The following PTPRK variants were observed in gnomAD, a reference collection of about 807,000 sequenced individuals.
PTPRK encodes receptor-type tyrosine-protein phosphatase kappa.
A neutral mutation model predicts 178.0 loss-of-function variants in PTPRK; 75 were observed. The observed-to-expected ratio is 0.42, with a 90% CI of 0.35 to 0.51. PTPRK has a LOEUF of 0.51. PTPRK is among the 20% of genes least tolerant of loss of function. The probability of loss-of-function intolerance (pLI) is 0.02; values close to 1 mark genes in which losing one functional copy is unlikely to be tolerated. For missense variants in PTPRK, 1,441 were observed against 1,797.8 expected (o/e 0.80, Z 3.59); for synonymous variants, 637 against 620.6 (o/e 1.03, Z -0.39).
intron 7 of PTPRK, among the ~76,000 whole-genome samples, chr6:128,171,842 T>C (rs1800307493): frequency 6.6e-6 from 1 of 152,008 alleles, no homozygotes; most frequent in East Asian, 1.9e-4. Flanking sequence ...ATTTTAACTT[T>C]ATTATTACAA....
At chr6:128,216,379 A>G (rs554420960) in intron 6 of PTPRK, among the ~76,000 whole-genome samples, 41 of 152,148 alleles carry the variant, frequency 2.7e-4, no homozygotes, top group African/African-American at 9.9e-4. Flanking sequence ...TATTAAAAAT[A>G]CAAAAATTAG....
rs539355502 is a variant in PTPRK, at chr6:128,407,070, C to T, written c.101-9382G>A. 9.8e-5 allele frequency among the ~76,000 whole-genome samples: 15 copies of T among 152,294 alleles called. No individual in the cohort carries two copies. The South Asian group carries it at 3.1e-3, about 32-fold the overall frequency. ...CTCCAATTTCTGCTTCCAACTACTA[C>T]TTAGAAACGTGTGTCAATTAATTTG... On this transcript the variant is annotated intron_variant, in intron 1 of 29. Transcript: ENST00000368226.
At chr6:128,054,143 C>A (rs1290252061) in intron 13 of PTPRK, among the ~76,000 whole-genome samples, 1 of 152,188 alleles carries the variant, frequency 6.6e-6, no homozygotes, top group Non-Finnish European at 1.5e-5. Context: ...TATTTCCCTG[C>A]ATTGATATGA....
chr6:128,402,051 G>A (rs959598770), intron 1 of PTPRK, among the ~76,000 whole-genome samples: 3 of 152,024 alleles, frequency 2.0e-5, no homozygotes, highest in African/African-American at 7.3e-5. Context: ...ATCTATCTAT[G>A]CTAATCAGAA....
intron 13 of PTPRK, among the ~76,000 whole-genome samples, chr6:128,036,194 C>T (rs982618759): frequency 1.3e-5 from 2 of 152,092 alleles, no homozygotes; most frequent in African/African-American, 4.8e-5. Flanking sequence ...AAGGCTTCTC[C>T]CAGGGCTGTG....
intron 3 of PTPRK, among the ~76,000 whole-genome samples, chr6:128,318,533 T>C (rs892744107): frequency 6.6e-6 from 1 of 152,176 alleles, no homozygotes; most frequent in Non-Finnish European, 1.5e-5. Flanking sequence ...ACTATCACAT[T>C]CCAATTTCTG....
intron 2 of PTPRK, among the ~76,000 whole-genome samples, chr6:128,347,056 T>C (rs1482550493): frequency 6.6e-6 from 1 of 152,192 alleles, no homozygotes; most frequent in Non-Finnish European, 1.5e-5. Flanking sequence ...AAAACCATTC[T>C]ATTTCATATA....
At chr6:128,332,244 A>G (rs896120904) in intron 2 of PTPRK, among the ~76,000 whole-genome samples, 2 of 152,234 alleles carry the variant, frequency 1.3e-5, no homozygotes, top group African/African-American at 4.8e-5. Flanking sequence ...TAGGAAACCT[A>G]TGTCATAAAT....
At chr6:128,182,373 C>T (rs1444451459) in intron 7 of PTPRK, among the ~76,000 whole-genome samples, 1 of 151,996 alleles carries the variant, frequency 6.6e-6, no homozygotes, top group Non-Finnish European at 1.5e-5. Flanking sequence ...GTCAGGAGTT[C>T]AAGACCAGCC....
chr6:127,989,947 C>T lies in PTPRK; in HGVS notation c.3096+822G>A, dbSNP rs548212019. ...AGGTAATTTCACAATTTTGTGTGGT[C>T]AAATCTACCAAGCTTTACCACAAAA... On this transcript the variant is annotated intron_variant, in intron 21 of 29. Coordinates refer to ENST00000368226, the MANE Select transcript of PTPRK (RefSeq NM_002844.4). Among the ~76,000 whole-genome samples, 96 of 152,000 alleles carry T rather than the reference C, an allele frequency of 6.3e-4. 1 individual carries two copies. The highest frequency in any genetic ancestry group is 2.2e-3 in the African/African-American group (90 of 41,474).
chr6:128,167,701 G>C (rs755261459), intron 7 of PTPRK, among the ~76,000 whole-genome samples: 1 of 151,938 alleles, frequency 6.6e-6, no homozygotes. Context: ...TACTCTAGTA[G>C]GGCAAGATTG....
At chr6:128,000,147 G>A in intron 15 of PTPRK, 3 of 992,612 alleles carry the variant, frequency 3.0e-6, no homozygotes, top group Non-Finnish European at 3.6e-6. Context: ...CTCATTAACA[G>A]AAGAGAAAAT....
chr6:128,208,282 A>T (rs1331122860), intron 6 of PTPRK, among the ~76,000 whole-genome samples: 1 of 150,558 alleles, frequency 6.6e-6, no homozygotes, highest in African/African-American at 2.5e-5. Flanking sequence ...GCTGTTAGCC[A>T]AAAGTCCTAC....
chr6:128,508,304 C>G (rs912210869), intron 1 of PTPRK, among the ~76,000 whole-genome samples: 1 of 152,068 alleles, frequency 6.6e-6, no homozygotes, highest in Non-Finnish European at 1.5e-5. Context: ...AGCATGGGCA[C>G]ATAGTAAGGT....
At chr6:128,371,768 G>T (rs1359740681) in intron 2 of PTPRK, among the ~76,000 whole-genome samples, 3 of 151,990 alleles carry the variant, frequency 2.0e-5, no homozygotes, top group African/African-American at 7.2e-5. Flanking sequence ...CCAGCTACTG[G>T]GGGAAGGGGA....
At chr6:128,390,255 C>T (rs4895834) in intron 2 of PTPRK, among the ~76,000 whole-genome samples, 147,679 of 152,220 alleles carry the variant, frequency 0.97, 71,773 homozygotes, top group East Asian at 1. Flanking sequence ...CAGCAGATAA[C>T]ATATGTGTTT....
intron 6 of PTPRK, among the ~76,000 whole-genome samples, chr6:128,216,800 A>G (rs1409321053): frequency 2.0e-5 from 3 of 151,376 alleles, no homozygotes; most frequent in African/African-American, 7.4e-5. Context: ...GCATGAAAGA[A>G]GAAACTATAC....
chr6:128,165,131 TA>T (rs1269450468), intron 7 of PTPRK, among the ~76,000 whole-genome samples: 5 of 150,786 alleles, frequency 3.3e-5, no homozygotes, highest in African/African-American at 7.3e-5. Flanking sequence ...CCTACCGCAT[TA>T]AAAAAAACCT....
intron 3 of PTPRK, chr6:128,321,178 T>C (rs2128320620): frequency 6.6e-6 from 1 of 152,278 alleles, no homozygotes; most frequent in South Asian, 2.1e-4. Context: ...AAAATATACT[T>C]TTACATAAAT....
Sources: allele counts gnomAD v4.1 joint callset (sites outside exome capture counted in the v4.1 genomes callset), GRCh38; gene constraint gnomAD v4.1.1; transcripts MANE v1.5; gene names NCBI Gene and HGNC (gene_info 2026-07-23, HGNC 2026-07-21).